GALNTL6: variants seen among roughly 807,000 people sequenced by gnomAD.
The protein encoded by GALNTL6 is polypeptide N-acetylgalactosaminyltransferase-like 6.
Under a neutral mutation model 73.7 loss-of-function variants are expected in GALNTL6, and 46 were observed. The ratio of observed to expected loss-of-function variants is 0.62; its 90% confidence interval spans 0.49 to 0.80. The LOEUF (loss-of-function observed/expected upper bound fraction) is 0.80, where lower values mean the gene tolerates loss of function less well. GALNTL6 is among the 30% of genes least tolerant of loss of function. GALNTL6 has a pLI of 0.00. For synonymous variants in GALNTL6, 259 were observed against 263.7 expected (o/e 0.98, Z 0.17); for missense variants, 604 against 755.0 (o/e 0.80, Z 2.34).
At chr4:172,746,876 G>A (rs1235987285) in intron 5 of GALNTL6, among the ~76,000 whole-genome samples, 1 of 151,996 alleles carries the variant, frequency 6.6e-6, no homozygotes, top group African/African-American at 2.4e-5. Flanking sequence ...TGAAATAAAA[G>A]CCATCAAAAT....
chr4:172,697,680 G>A (rs12649426), intron 5 of GALNTL6, among the ~76,000 whole-genome samples: 64,755 of 151,892 alleles, frequency 0.43, 16,028 homozygotes, highest in East Asian at 0.68. Flanking sequence ...AAACAAAGCC[G>A]AGAATGGAAT....
At chr4:172,531,081 G>C (rs559779301) in intron 5 of GALNTL6, among the ~76,000 whole-genome samples, 10 of 152,250 alleles carry the variant, frequency 6.6e-5, no homozygotes, top group Admixed American at 3.3e-4. Flanking sequence ...ACCACTAATA[G>C]AGTTAAAATA....
intron 2 of GALNTL6, among the ~76,000 whole-genome samples, chr4:171,944,619 C>A (rs1738646952): frequency 6.6e-6 from 1 of 151,834 alleles, no homozygotes; most frequent in African/African-American, 2.4e-5. Flanking sequence ...TAGTATAAAT[C>A]AGAAAATACA....
At chr4:172,023,849 T>C (rs72984510) in intron 2 of GALNTL6, among the ~76,000 whole-genome samples, 10 of 151,916 alleles carry the variant, frequency 6.6e-5, no homozygotes, top group African/African-American at 1.9e-4. Flanking sequence ...AATACATTTA[T>C]GGCAGTGTTT....
intron 5 of GALNTL6, among the ~76,000 whole-genome samples, chr4:172,451,047 C>T (rs1195040303): frequency 6.6e-6 from 1 of 152,196 alleles, no homozygotes; most frequent in Admixed American, 6.5e-5. Flanking sequence ...AGACTCTGTT[C>T]AGCACACAGT....
chr4:172,059,318 T>TC (rs1196925212), intron 2 of GALNTL6, among the ~76,000 whole-genome samples: 2 of 152,078 alleles, frequency 1.3e-5, no homozygotes, highest in Non-Finnish European at 2.9e-5. Context: ...TGGGGTGAGG[T>TC]CCCAGATTTT....
intron 2 of GALNTL6, among the ~76,000 whole-genome samples, chr4:172,066,673 C>A (rs1731375228): frequency 6.6e-6 from 1 of 151,870 alleles, no homozygotes; most frequent in Non-Finnish European, 1.5e-5. Flanking sequence ...GAGCCTGAGT[C>A]CTCTGGAATC....
intron 5 of GALNTL6, among the ~76,000 whole-genome samples, chr4:172,412,364 C>G (rs536646986): frequency 1.7e-3 from 259 of 152,144 alleles, no homozygotes; most frequent in African/African-American, 5.9e-3. Flanking sequence ...ATAATGAGAT[C>G]AGGAAAGCCA....
chr4:172,456,494 G>C (rs551008749), intron 5 of GALNTL6, among the ~76,000 whole-genome samples: 15 of 151,864 alleles, frequency 9.9e-5, no homozygotes, highest in African/African-American at 3.4e-4. Context: ...AACCAGTTTA[G>C]AGAAGAACAT....
chr4:171,933,434 G>A (rs1369977792), intron 2 of GALNTL6, among the ~76,000 whole-genome samples: 1 of 151,894 alleles, frequency 6.6e-6, no homozygotes, highest in African/African-American at 2.4e-5. Context: ...ATTTTCTATT[G>A]TTGTCTTTAC....
chr4:172,198,233 G>C (rs1387332347), intron 2 of GALNTL6, among the ~76,000 whole-genome samples: 1 of 151,174 alleles, frequency 6.6e-6, no homozygotes, highest in Non-Finnish European at 1.5e-5. Context: ...TGCAGCAAAA[G>C]CAAAAATTGA....
intron 5 of GALNTL6, among the ~76,000 whole-genome samples, chr4:172,773,980 A>G (rs938193287): frequency 1.4e-4 from 5 of 36,218 alleles, no homozygotes; most frequent in East Asian, 7.9e-3. Context: ...ACTTAAGGGA[A>G]AAAAAAAAGA....
At chr4:171,956,090 A>G (rs1739038647) in intron 2 of GALNTL6, among the ~76,000 whole-genome samples, 1 of 151,624 alleles carries the variant, frequency 6.6e-6, no homozygotes, top group Non-Finnish European at 1.5e-5. Flanking sequence ...GCAGCCTGAA[A>G]CTCTGGGGCT....
At chr4:172,880,862 C>T (rs775942837) in intron 7 of GALNTL6, among the ~76,000 whole-genome samples, 12 of 152,116 alleles carry the variant, frequency 7.9e-5, no homozygotes, top group Non-Finnish European at 1.6e-4. Flanking sequence ...CTAAGATACA[C>T]TGCATGGGTT....
chr4:172,568,690 G>A (rs1292561914), intron 5 of GALNTL6, among the ~76,000 whole-genome samples: 3 of 147,606 alleles, frequency 2.0e-5, no homozygotes, highest in Non-Finnish European at 4.5e-5. Context: ...CCCGGGAGGC[G>A]GAGCTTGCAG....
At chr4:172,145,384 C>T (rs942318962) in intron 2 of GALNTL6, among the ~76,000 whole-genome samples, 7 of 152,096 alleles carry the variant, frequency 4.6e-5, no homozygotes, top group African/African-American at 1.7e-4. Flanking sequence ...TCGTGATCCG[C>T]CCGCCTTGGC....
At chr4:172,378,021 A>G (rs964295751) in intron 5 of GALNTL6, among the ~76,000 whole-genome samples, 4 of 152,002 alleles carry the variant, frequency 2.6e-5, no homozygotes, top group East Asian at 1.9e-4. Flanking sequence ...CTCCTCAAGC[A>G]TGGCCAGAGT....
chr4:172,860,058 C>A (rs1299871324), intron 7 of GALNTL6, among the ~76,000 whole-genome samples: 1 of 152,114 alleles, frequency 6.6e-6, no homozygotes, highest in Admixed American at 6.6e-5. Flanking sequence ...TCCCCATACC[C>A]CCTTGACTTT....
chr4:172,560,497 G>C (rs75418027), intron 5 of GALNTL6, among the ~76,000 whole-genome samples: 4 of 151,702 alleles, frequency 2.6e-5, no homozygotes, highest in African/African-American at 7.3e-5. Context: ...AAAAAAAAAA[G>C]CAGAAATTTT....
Sources: gnomAD v4.1 joint callset for allele counts (sites outside exome capture counted in the v4.1 genomes callset) on GRCh38, gnomAD v4.1.1 for gene constraint, MANE v1.5 for transcripts, NCBI Gene and HGNC (gene_info 2026-07-23, HGNC 2026-07-21) for gene names.